The following ROR1 variants were observed in gnomAD, a reference collection of about 807,000 sequenced individuals.
ROR1 encodes the protein inactive tyrosine-protein kinase transmembrane receptor ROR1.
A neutral mutation model predicts 78.8 loss-of-function variants in ROR1; 19 were observed. The observed-to-expected ratio is 0.24, with a 90% CI of 0.17 to 0.35. The LOEUF (loss-of-function observed/expected upper bound fraction) is 0.35, where lower values mean the gene tolerates loss of function less well. ROR1 is among the 10% of genes least tolerant of loss of function. The probability of loss-of-function intolerance (pLI) is 1.00; values close to 1 mark genes in which losing one functional copy is unlikely to be tolerated. For missense variants in ROR1, 917 were observed against 1,177.8 expected (o/e 0.78, Z 3.24); for synonymous variants, 386 against 433.6 (o/e 0.89, Z 1.36).
chr1:64,122,568 T>C (rs1271903903), intron 4 of ROR1, among the ~76,000 whole-genome samples: 1 of 151,876 alleles, frequency 6.6e-6, no homozygotes, highest in Non-Finnish European at 1.5e-5. Flanking sequence ...GCCCCAAGAG[T>C]GGGAGGAGTG....
At chr1:63,854,379 T>C (rs1298314567) in intron 1 of ROR1, among the ~76,000 whole-genome samples, 1 of 152,240 alleles carries the variant, frequency 6.6e-6, no homozygotes, top group Non-Finnish European at 1.5e-5. Flanking sequence ...AGGGAAAAAC[T>C]GCTTGGCTTT....
At chr1:63,826,321 C>G (rs192281832) in intron 1 of ROR1, among the ~76,000 whole-genome samples, 1 of 152,276 alleles carries the variant, frequency 6.6e-6, no homozygotes, top group Admixed American at 6.5e-5. Context: ...TTAGCTCCCA[C>G]TTACAAGTGA....
At chr1:64,129,679 A>T (rs542777898) in intron 4 of ROR1, among the ~76,000 whole-genome samples, 1 of 152,336 alleles carries the variant, frequency 6.6e-6, no homozygotes, top group South Asian at 2.1e-4. Flanking sequence ...GAAGACAGTA[A>T]AAAATCACTC....
At chr1:63,890,808 C>T (rs1645389048) in intron 1 of ROR1, among the ~76,000 whole-genome samples, 1 of 152,106 alleles carries the variant, frequency 6.6e-6, no homozygotes, top group African/African-American at 2.4e-5. Flanking sequence ...TCTCTACCTT[C>T]CAGAGTCTCA....
intron 1 of ROR1, among the ~76,000 whole-genome samples, chr1:63,955,838 G>T (rs1264434551): frequency 1.3e-5 from 2 of 152,186 alleles, no homozygotes; most frequent in Non-Finnish European, 2.9e-5. Flanking sequence ...AAGCAAGTGT[G>T]ACTCAGGGGC....
intron 1 of ROR1, among the ~76,000 whole-genome samples, chr1:63,998,165 C>T (rs1252940107): frequency 6.6e-6 from 1 of 152,098 alleles, no homozygotes; most frequent in African/African-American, 2.4e-5. Context: ...TGAGACATGA[C>T]CCTCCCTCTC....
Position 64,041,791 on chromosome 1 carries a change from C to T in ROR1, c.164-7900C>T, listed in dbSNP as rs183195872. Among the ~76,000 whole-genome samples, 4 of 152,308 alleles carry T rather than the reference C, an allele frequency of 2.6e-5. No homozygotes were observed. In the East Asian group the frequency reaches 7.7e-4, roughly 29 times the overall value. ...GAAAATGTGTTCGGCCAGCACCCAG[C>T]CCAGCACAGCACTTCTTTTCTTTTC... is the stretch of plus-strand genomic sequence containing the variant. On this transcript the variant is annotated intron_variant, in intron 2 of 8. Transcript: ENST00000371079.
chr1:63,842,996 C>T lies in ROR1; in HGVS notation c.91+68488C>T, dbSNP rs1438574005. On this transcript the variant is annotated intron_variant, in intron 1 of 8. Coordinates refer to ENST00000371079, the MANE Select transcript of ROR1 (RefSeq NM_005012.4). ...AAGATCAAAAGCAGTTTGGCAAGAC[C>T]AGAACCGTCAGGGATGGAGGGAGGA... 3.9e-5 allele frequency among the ~76,000 whole-genome samples: 6 copies of T among 152,206 alleles called. No homozygotes were observed. In the South Asian group the frequency reaches 1.2e-3, roughly 32 times the overall value.
chr1:63,944,824 T>C (rs1645871222), intron 1 of ROR1, among the ~76,000 whole-genome samples: 1 of 152,190 alleles, frequency 6.6e-6, no homozygotes, highest in Admixed American at 6.5e-5. Flanking sequence ...CTAATTGCCT[T>C]GGGCCTTAAT....
At chr1:64,153,629 A>G (rs1649690488) in intron 7 of ROR1, among the ~76,000 whole-genome samples, 1 of 152,176 alleles carries the variant, frequency 6.6e-6, no homozygotes, top group South Asian at 2.1e-4. Context: ...AGGACATTAG[A>G]CTAAGTAAAA....
rs545542285 is a variant in ROR1 at position 63,829,842 on chromosome 1, A to G, written c.91+55334A>G. ...GGTCTGACTTTCATTTTCAACAGTC[A>G]TTTTATGGAGTAAGACAGCTTATTT... is the stretch of plus-strand genomic sequence containing the variant. On this transcript the variant is annotated intron_variant, in intron 1 of 8. Coordinates refer to ENST00000371079, the MANE Select transcript of ROR1 (RefSeq NM_005012.4). 5.3e-5 allele frequency among the ~76,000 whole-genome samples: 8 copies of G among 152,232 alleles called. No homozygotes were observed. The South Asian group carries it at 1.5e-3, about 28-fold the overall frequency.
Position 63,845,918 on chromosome 1 carries a change from A to T in ROR1, c.91+71410A>T, listed in dbSNP as rs529878167. 6.2e-4 allele frequency among the ~76,000 whole-genome samples: 95 copies of T among 152,180 alleles called. 1 individual carries two copies. Among genetic ancestry groups the T allele is most frequent in the African/African-American group, 2.2e-3 (91 of 41,532 alleles). On this transcript the variant is annotated intron_variant, in intron 1 of 8. Transcript: ENST00000371079. Reference sequence around the variant, plus strand: ...ATCATGAAGCTTAGATGGAGCCTGAACTTATGTTTTTATACTCAGCACCCC... The same window carrying T: ...ATCATGAAGCTTAGATGGAGCCTGATCTTATGTTTTTATACTCAGCACCCC...
At chr1:63,967,863 G>A (rs557876661) in intron 1 of ROR1, among the ~76,000 whole-genome samples, 1 of 152,298 alleles carries the variant, frequency 6.6e-6, no homozygotes, top group South Asian at 2.1e-4. Context: ...TCTGTTGACT[G>A]GTGGTGTGCT....
intron 1 of ROR1, among the ~76,000 whole-genome samples, chr1:63,882,635 T>C (rs1645330522): frequency 6.6e-6 from 1 of 152,176 alleles, no homozygotes; most frequent in African/African-American, 2.4e-5. Flanking sequence ...TGGAAGAATA[T>C]TTAGCCTGGC....
At chr1:63,872,060 A>G (rs1294209670) in intron 1 of ROR1, among the ~76,000 whole-genome samples, 1 of 152,230 alleles carries the variant, frequency 6.6e-6, no homozygotes, top group African/African-American at 2.4e-5. Context: ...AAAATATTCT[A>G]TTAAATAAAC....
chr1:64,041,583 G>GT (rs1646745905), intron 2 of ROR1, among the ~76,000 whole-genome samples: 2 of 152,142 alleles, frequency 1.3e-5, no homozygotes, highest in Non-Finnish European at 2.9e-5. Context: ...TTTATAGGGG[G>GT]TTTTGCTCTA....
At chr1:63,821,372 T>G (rs529323509) in intron 1 of ROR1, among the ~76,000 whole-genome samples, 1 of 152,308 alleles carries the variant, frequency 6.6e-6, no homozygotes, top group East Asian at 1.9e-4. Flanking sequence ...ATTTGTGGTT[T>G]TAATTTCAAA....
intron 1 of ROR1, among the ~76,000 whole-genome samples, chr1:63,976,696 C>T (rs1032250414): frequency 2.7e-4 from 41 of 152,072 alleles, no homozygotes; most frequent in African/African-American, 9.7e-4. Flanking sequence ...TCATTAGCAC[C>T]TTCAAATGGA....
chr1:64,042,550 TG>T (rs1308774820), intron 2 of ROR1, among the ~76,000 whole-genome samples: 1 of 152,164 alleles, frequency 6.6e-6, no homozygotes, highest in African/African-American at 2.4e-5. Context: ...ATCCAGCAGG[TG>T]GGGTCATCCG....
Sources: allele counts gnomAD v4.1 joint callset (sites outside exome capture counted in the v4.1 genomes callset), GRCh38; gene constraint gnomAD v4.1.1; transcripts MANE v1.5; gene names NCBI Gene and HGNC (gene_info 2026-07-23, HGNC 2026-07-21).